Variants in MACROD2 observed in about 807,000 individuals in gnomAD.
The protein encoded by MACROD2 is mono-ADP ribosylhydrolase 2, also known as ADP-ribose glycohydrolase MACROD2.
Under a neutral mutation model 70.4 loss-of-function variants are expected in MACROD2, and 36 were observed. The ratio of observed to expected loss-of-function variants is 0.51; its 90% CI spans 0.39 to 0.68. The LOEUF is 0.68. Ranked by LOEUF, MACROD2 falls within the 30% of genes least tolerant of loss-of-function variation. The pLI, the probability that MACROD2 is intolerant of heterozygous loss-of-function variation, is 0.00. For synonymous variants in MACROD2, 172 were observed against 178.8 expected, an observed-to-expected ratio of 0.96 and a Z score of 0.30; for missense variants, 496 against 538.4, an observed-to-expected ratio of 0.92 and a Z score of 0.78.
At chr20:14,327,843 A>G (rs953757605) in intron 3 of MACROD2, among the ~76,000 whole-genome samples, 3 of 152,116 alleles carry the variant, frequency 2.0e-5, no homozygotes, top group African/African-American at 7.2e-5. Context: ...TGAATAATCC[A>G]AAGTATTTTA....
intron 4 of MACROD2, among the ~76,000 whole-genome samples, chr20:14,527,660 A>T (rs2085251037): frequency 6.6e-6 from 1 of 152,240 alleles, no homozygotes; most frequent in Non-Finnish European, 1.5e-5. Flanking sequence ...TGGAATCATG[A>T]ATTTCAGCAG....
At chr20:14,219,498 G>C (rs2081651493) in intron 3 of MACROD2, among the ~76,000 whole-genome samples, 1 of 151,992 alleles carries the variant, frequency 6.6e-6, no homozygotes, top group Admixed American at 6.6e-5. Context: ...TCCCCAATTA[G>C]CTTAATAACT....
chr20:14,280,855 T>C (rs971044971), intron 3 of MACROD2, among the ~76,000 whole-genome samples: 1 of 152,214 alleles, frequency 6.6e-6, no homozygotes, highest in Non-Finnish European at 1.5e-5. Context: ...TAGCATGTTT[T>C]ATAAAAGCTA....
intron 6 of MACROD2, among the ~76,000 whole-genome samples, chr20:15,381,867 C>G (rs1453553047): frequency 1.3e-5 from 2 of 151,960 alleles, no homozygotes; most frequent in Non-Finnish European, 2.9e-5. Context: ...AGGAGGCTGC[C>G]CAGATGAGTA....
intron 8 of MACROD2, among the ~76,000 whole-genome samples, chr20:15,566,986 T>C (rs1452617731): frequency 6.6e-6 from 1 of 152,094 alleles, no homozygotes; most frequent in Admixed American, 6.5e-5. Flanking sequence ...AGTGAGAAAG[T>C]GGAAAAGCCA....
chr20:14,219,152 C>A (rs897284795), intron 3 of MACROD2, among the ~76,000 whole-genome samples: 1 of 152,198 alleles, frequency 6.6e-6, no homozygotes, highest in African/African-American at 2.4e-5. Context: ...GAATTCTCCT[C>A]TTCCTCAGGA....
At chr20:14,290,817 T>C (rs1380149036) in intron 3 of MACROD2, among the ~76,000 whole-genome samples, 1 of 152,242 alleles carries the variant, frequency 6.6e-6, no homozygotes, top group East Asian at 1.9e-4. Flanking sequence ...CTGGTAGCTG[T>C]ATTTTTAACA....
chr20:14,116,986 G>A (rs1167564937), intron 3 of MACROD2, among the ~76,000 whole-genome samples: 1 of 150,330 alleles, frequency 6.7e-6, no homozygotes, highest in African/African-American at 2.5e-5. Context: ...AGAATCGCTT[G>A]AACCCGGGAG....
At chr20:14,360,495 T>C (rs1269935454) in intron 3 of MACROD2, among the ~76,000 whole-genome samples, 2 of 152,340 alleles carry the variant, frequency 1.3e-5, no homozygotes, top group East Asian at 1.9e-4. Flanking sequence ...TTTCTTTGCA[T>C]CTGGAAGTTG....
chr20:14,274,788 T>C (rs6079375), intron 3 of MACROD2, among the ~76,000 whole-genome samples: 95,925 of 150,346 alleles, frequency 0.64, 32,149 homozygotes, highest in Non-Finnish European at 0.75. Context: ...TGATAAGCAA[T>C]TTCAGCAAAG....
At chr20:14,442,191 A>G (rs1029631405) in intron 3 of MACROD2, among the ~76,000 whole-genome samples, 2 of 152,012 alleles carry the variant, frequency 1.3e-5, no homozygotes, top group African/African-American at 4.8e-5. Context: ...AATCACTTGA[A>G]CCCAGGAGGT....
rs145512982 is a variant in MACROD2 at position 15,078,000 on chromosome 20, C to G, written c.419-151940C>G. On this transcript the variant is annotated intron_variant, in intron 5 of 17. Transcript: ENST00000684519. Reference sequence around the variant, plus strand: ...GGGGAAAGGGCCACTGGAAAAGGAGCTACCCAAGCCATTACTCTTCAGCTT... The same window carrying G: ...GGGGAAAGGGCCACTGGAAAAGGAGGTACCCAAGCCATTACTCTTCAGCTT... 1.1e-3 allele frequency among the ~76,000 whole-genome samples: 171 copies of G among 152,234 alleles called. 4 individuals carry two copies. In the East Asian group the frequency reaches 0.026, roughly 23 times the overall value.
chr20:15,384,309 G>T (rs1434663018), intron 6 of MACROD2, among the ~76,000 whole-genome samples: 1 of 152,066 alleles, frequency 6.6e-6, no homozygotes. Flanking sequence ...CCAAGCTTGA[G>T]TGCAGTGGTG....
intron 4 of MACROD2, among the ~76,000 whole-genome samples, chr20:14,571,144 A>G (rs891552953): frequency 1.3e-5 from 2 of 152,112 alleles, no homozygotes; most frequent in African/African-American, 2.4e-5. Context: ...TCTCAGATGT[A>G]CACCTTGAGA....
chr20:15,315,613 A>G (rs908209550), intron 6 of MACROD2, among the ~76,000 whole-genome samples: 1 of 152,202 alleles, frequency 6.6e-6, no homozygotes, highest in African/African-American at 2.4e-5. Context: ...TTATCCCTCA[A>G]AAATGGAGAA....
chr20:15,650,463 T>C (rs2049626696), intron 8 of MACROD2, among the ~76,000 whole-genome samples: 1 of 152,232 alleles, frequency 6.6e-6, no homozygotes, highest in South Asian at 2.1e-4. Flanking sequence ...AATTGCAGTA[T>C]ATTCTTTCGC....
chr20:15,625,005 T>C (rs1363577734), intron 8 of MACROD2, among the ~76,000 whole-genome samples: 1 of 152,168 alleles, frequency 6.6e-6, no homozygotes, highest in African/African-American at 2.4e-5. Flanking sequence ...CAGTTTGTGA[T>C]TTTTTTACTT....
chr20:15,902,616 C>T (rs2065080991), intron 10 of MACROD2, among the ~76,000 whole-genome samples: 1 of 152,048 alleles, frequency 6.6e-6, no homozygotes, highest in South Asian at 2.1e-4. Flanking sequence ...TGGCTTCTAC[C>T]TTGCGCCCTC....
intron 5 of MACROD2, among the ~76,000 whole-genome samples, chr20:15,079,901 A>G (rs939583445): frequency 6.6e-6 from 1 of 152,000 alleles, no homozygotes; most frequent in Non-Finnish European, 1.5e-5. Flanking sequence ...CATCAACTCC[A>G]ATCTACTTGT....
Sources: gnomAD v4.1 joint callset for allele counts (sites outside exome capture counted in the v4.1 genomes callset) on GRCh38, gnomAD v4.1.1 for gene constraint, MANE v1.5 for transcripts, NCBI Gene and HGNC (gene_info 2026-07-23, HGNC 2026-07-21) for gene names.